ULK4: variants seen among roughly 807,000 people sequenced by gnomAD.
ULK4 encodes inactive serine/threonine-protein kinase ULK4.
A neutral mutation model predicts 160.6 loss-of-function variants in ULK4; 133 were observed. The observed-to-expected ratio is 0.83, with a 90% confidence interval of 0.72 to 0.96. The LOEUF (loss-of-function observed/expected upper bound fraction) is 0.96. Among genes scored for constraint, ULK4 ranks in the 40% least tolerant of loss-of-function variants. The probability of loss-of-function intolerance (pLI) is 0.00; values close to 1 mark genes in which losing one functional copy is unlikely to be tolerated. For synonymous variants in ULK4, 534 were observed against 539.8 expected, an observed-to-expected ratio of 0.99 and a Z score of 0.15; for missense variants, 1,580 against 1,499.5, an observed-to-expected ratio of 1.05 and a Z score of -0.89.
chr3:41,878,427 C>T lies in ULK4; in HGVS notation c.1656+5447G>A, dbSNP rs116900376. ...AATATAAAATCAATCTCACTAGACA[C>T]GGAGATTTCTCAGGTACCAACTCTT... On this transcript the variant is annotated intron_variant, in intron 17 of 36. Transcript: ENST00000301831. Among the ~76,000 whole-genome samples the T allele has an allele frequency of 3.4e-4, 52 of 152,194 alleles. 2 individuals carry two copies. In the East Asian group the frequency reaches 8.5e-3, roughly 25 times the overall value.
At chr3:41,641,979 G>A (rs766173329) in intron 30 of ULK4, among the ~76,000 whole-genome samples, 2 of 150,862 alleles carry the variant, frequency 1.3e-5, no homozygotes, top group Admixed American at 1.3e-4. Flanking sequence ...AGGTTCAAGT[G>A]GTTCTCGTGC....
rs965179235 is a variant in ULK4 at position 41,246,770 on chromosome 3, G to A, written c.*159C>T. 2 of 770,806 alleles carry A rather than the reference G, an allele frequency of 2.6e-6. No homozygotes were observed. The highest frequency in any genetic ancestry group is 4.2e-6 in the Non-Finnish European group (2 of 480,700). 47.7% of individuals were successfully genotyped at this position (770,806 alleles called of 1,614,324 possible). On this transcript the variant is annotated 3_prime_UTR_variant, in exon 37 of 37. Transcript: ENST00000301831. ...CTGAGTCAGTTTTCTAGGCCCTGGG[G>A]TTAGTGAGCACTTGGGCCACCAGGT...
At position 41,251,195 on chromosome 3, in the gene ULK4, CAT is replaced by C. The variant is rs752603647; in HGVS notation, c.3679-1623_3679-1622del. 17 of 152,326 alleles carry C rather than the reference CAT, an allele frequency of 1.1e-4. No individual in the cohort carries two copies. The East Asian group carries it at 1.5e-3, about 14-fold the overall frequency. The allele number at this position is 152,326 out of a possible 1,614,324, so 9.4% of individuals were successfully genotyped here. On this transcript the variant is annotated intron_variant, in intron 35 of 36. Coordinates refer to ENST00000301831, the MANE Select transcript of ULK4 (RefSeq NM_017886.4). ...TCAAAGGAAGATGCCAAAATGGTAT[CAT>C]GTGTAGCTGACATAAATGTAGACAT...
At chr3:41,945,099 G>A (rs905139816) in intron 2 of ULK4, among the ~76,000 whole-genome samples, 2 of 152,178 alleles carry the variant, frequency 1.3e-5, no homozygotes, top group South Asian at 2.1e-4. Flanking sequence ...AAACTGAGCC[G>A]CCAGAGGAGC....
chr3:41,674,155 C>A (rs577804708), intron 29 of ULK4, among the ~76,000 whole-genome samples: 1 of 152,244 alleles, frequency 6.6e-6, no homozygotes, highest in South Asian at 2.1e-4. Context: ...CTCCACCTCC[C>A]CAATAATAAA....
At chr3:41,470,019 A>G (rs1310946637) in intron 32 of ULK4, among the ~76,000 whole-genome samples, 2 of 4,446 alleles carry the variant, frequency 4.5e-4, no homozygotes, top group African/African-American at 2.0e-3. Flanking sequence ...AACAGAACAG[A>G]AAAAAAAAAA....
intron 30 of ULK4, among the ~76,000 whole-genome samples, chr3:41,650,480 T>G (rs879418863): frequency 1.3e-5 from 2 of 152,190 alleles, no homozygotes; most frequent in Non-Finnish European, 2.9e-5. Flanking sequence ...GTGCCCACAG[T>G]GGAGGCTGCT....
chr3:41,386,890 G>C lies in ULK4; in HGVS notation c.3678+11189C>G, dbSNP rs189335411. 1.5e-3 allele frequency among the ~76,000 whole-genome samples: 228 copies of C among 152,240 alleles called. 2 individuals carry two copies. The highest frequency in any genetic ancestry group is 6.9e-3 in the Admixed American group (106 of 15,272). ...TGATCTTGTCGATACCTATGGTAAAGATCTGTATATTTCCTCAAGGCTCTT... is the reference window on the plus strand; with the variant it reads ...TGATCTTGTCGATACCTATGGTAAACATCTGTATATTTCCTCAAGGCTCTT... On this transcript the variant is annotated intron_variant, in intron 35 of 36. Coordinates refer to ENST00000301831, the MANE Select transcript of ULK4 (RefSeq NM_017886.4).
At chr3:41,387,971 C>G (rs1305522756) in intron 35 of ULK4, among the ~76,000 whole-genome samples, 5 of 152,200 alleles carry the variant, frequency 3.3e-5, no homozygotes, top group African/African-American at 1.2e-4. Context: ...AATGGTTGAA[C>G]TAGTTTACAG....
chr3:41,272,623 G>T (rs1363801672), intron 35 of ULK4, among the ~76,000 whole-genome samples: 1 of 151,002 alleles, frequency 6.6e-6, no homozygotes, highest in Non-Finnish European at 1.5e-5. Flanking sequence ...GGTTCATTGA[G>T]TATATTGGAT....
At chr3:41,548,382 A>G (rs2086938904) in intron 32 of ULK4, among the ~76,000 whole-genome samples, 1 of 151,746 alleles carries the variant, frequency 6.6e-6, no homozygotes, top group South Asian at 2.1e-4. Context: ...TGACTGGCCC[A>G]CTCCACCTAT....
In ULK4 at chr3:41,907,832, CAA is replaced by C. The variant is rs1698626403; in HGVS notation, c.1182+11_1182+12del. ...CATCTTATGTAGGAAGAAAATTTCC[CAA>C]GTCTGCTCACCTTGGTCAGAGGAGA... On this transcript the variant is annotated intron_variant, in intron 12 of 36. Transcript: ENST00000301831. 6.5e-7 allele frequency: 1 copy of C among 1,532,696 alleles called. No homozygotes were observed. The highest frequency in any genetic ancestry group is 8.8e-7 in the Non-Finnish European group (1 of 1,140,990). The allele number at this position is 1,532,696 out of a possible 1,614,324, so 94.9% of individuals were successfully genotyped here. A position where few individuals can be genotyped will look rare whatever the true frequency, so the allele number is the denominator to read the frequency against.
chr3:41,321,841 C>T (rs2080254122), intron 35 of ULK4, among the ~76,000 whole-genome samples: 1 of 143,862 alleles, frequency 7.0e-6, no homozygotes, highest in Non-Finnish European at 1.5e-5. Flanking sequence ...CAAGTGTTGG[C>T]AGGCCACTGT....
intron 32 of ULK4, among the ~76,000 whole-genome samples, chr3:41,537,200 T>TTG (rs200890135): frequency 0.027 from 4,142 of 151,938 alleles, 137 homozygotes; most frequent in African/African-American, 0.081. Context: ...CCATTTTTTT[T>TTG]TTGTTGCCAT....
intron 22 of ULK4, among the ~76,000 whole-genome samples, chr3:41,722,988 GT>G (rs2037526804): frequency 6.6e-6 from 1 of 152,030 alleles, no homozygotes; most frequent in Admixed American, 6.5e-5. Context: ...TGCCAAACTG[GT>G]TCCCAAAGTG....
chr3:41,816,115 G>A (rs1305167963), intron 19 of ULK4, among the ~76,000 whole-genome samples: 1 of 151,532 alleles, frequency 6.6e-6, no homozygotes, highest in Non-Finnish European at 1.5e-5. Context: ...CACACACAGA[G>A]TCTTATATAT....
rs115333913 is a variant in ULK4 at position 41,537,987 on chromosome 3, C to T, written c.3226+28038G>A. On this transcript the variant is annotated intron_variant, in intron 32 of 36. Transcript: ENST00000301831. Reference sequence around the variant, plus strand: ...TTAAAAACCTGTTCAGGCAGATATGCTTTCTCATCAATGATTTTCTTAATG... The same window carrying T: ...TTAAAAACCTGTTCAGGCAGATATGTTTTCTCATCAATGATTTTCTTAATG... 2.7e-3 allele frequency among the ~76,000 whole-genome samples: 402 copies of T among 151,160 alleles called. 1 individual carries two copies. Among genetic ancestry groups the T allele is most frequent in the African/African-American group, 8.9e-3 (366 of 41,088 alleles).
At chr3:41,615,773 G>T in intron 30 of ULK4, 56 bp from the exon 31 acceptor site, 1 of 1,505,548 alleles carries the variant, frequency 6.6e-7, no homozygotes, top group South Asian at 1.2e-5. Context: ...TATTTGCACT[G>T]ATGGCCTGAT....
intron 35 of ULK4, among the ~76,000 whole-genome samples, chr3:41,366,447 T>C (rs910795419): frequency 1.3e-5 from 2 of 152,134 alleles, no homozygotes; most frequent in Non-Finnish European, 2.9e-5. Context: ...AACAGTCCTA[T>C]ACAATTATAT....
Sources: allele counts gnomAD v4.1 joint callset (sites outside exome capture counted in the v4.1 genomes callset), GRCh38; gene constraint gnomAD v4.1.1; transcripts MANE v1.5; gene names NCBI Gene and HGNC (gene_info 2026-07-23, HGNC 2026-07-21).